Variants in DSC3 observed in about 807,000 individuals in gnomAD.
DSC3 encodes desmocollin-3.
A neutral mutation model predicts 89.5 loss-of-function variants in DSC3; 97 were observed. The observed-to-expected ratio is 1.08, with a 90% CI of 0.92 to 1.28. The LOEUF (loss-of-function observed/expected upper bound fraction) is 1.28. Ranked by LOEUF, DSC3 falls within the 50% of genes most tolerant of loss-of-function variation. The pLI is 0.00. For synonymous variants in DSC3, 436 were observed against 384.1 expected (o/e 1.14, Z -1.58); for missense variants, 1,199 against 1,085.3 (o/e 1.10, Z -1.47).
chr18:31,008,245 A>G, intron 10 of DSC3, 24 bp downstream of exon 10: 1 of 1,613,120 alleles, frequency 6.2e-7, no homozygotes, highest in East Asian at 2.2e-5. Flanking sequence ...CATTATTAGT[A>G]TGTGGTTATA....
At chr18:31,035,819 T>G (rs780513481) in intron 1 of DSC3, among the ~76,000 whole-genome samples, 60 of 152,260 alleles carry the variant, frequency 3.9e-4, no homozygotes, top group African/African-American at 1.3e-3. Flanking sequence ...CTCCAGGGAA[T>G]AGAGTTTTCA....
rs539768534 is a variant in DSC3 at position 31,006,746 on chromosome 18, C to T, written c.1888+161G>A. Among the ~76,000 whole-genome samples the T allele has an allele frequency of 2.1e-3, 327 of 152,242 alleles. 1 individual carries two copies. The highest frequency in any genetic ancestry group is 3.7e-3 in the Non-Finnish European group (254 of 68,010). On this transcript the variant is annotated intron_variant, in intron 12 of 15. Transcript: ENST00000360428. The stretch of plus-strand genomic sequence containing the variant: ...ACATCTTCCTTCATTTTATATATAA[C>T]AGAGCCCCCATATAATATTTGTAAA...
Position 31,001,891 on chromosome 18 carries a change from T to C in DSC3, c.2114-152A>G, listed in dbSNP as rs371991480. On this transcript the variant is annotated intron_variant, in intron 13 of 15. Transcript: ENST00000360428. Reference sequence around the variant, plus strand: ...TTATCTTGGCTGTTCTAAGTTAACATGTCACCAGATAGCTTAGGTTTTAGA... The same window carrying C: ...TTATCTTGGCTGTTCTAAGTTAACACGTCACCAGATAGCTTAGGTTTTAGA... 4.9e-4 allele frequency: 293 copies of C among 602,420 alleles called. 2 individuals carry two copies. The East Asian group carries it at 7.7e-3, about 16-fold the overall frequency. The allele number at this position is 602,420 out of a possible 1,614,324, so 37.3% of individuals were successfully genotyped here. A position where few individuals can be genotyped will look rare whatever the true frequency, so the allele number is the denominator to read the frequency against.
At chr18:31,021,622 G>A (rs889124693) in intron 7 of DSC3, among the ~76,000 whole-genome samples, 3 of 151,992 alleles carry the variant, frequency 2.0e-5, no homozygotes, top group African/African-American at 7.3e-5. Flanking sequence ...AAGCTATTTT[G>A]TCCATATAAA....
rs1252718107 is a variant in DSC3 at position 30,990,963 on chromosome 18, C to A, written c.*3212G>T. On this transcript the variant is annotated 3_prime_UTR_variant, in exon 16 of 16. Transcript: ENST00000360428. ...TCCAAAATATTCCCCATTAATACAA[C>A]AAAGACATAATTATTTCTATTTCCA... 1 of 117,598 alleles carries A rather than the reference C, an allele frequency of 8.5e-6. No individual in the cohort carries two copies. The highest frequency in any genetic ancestry group is 1.7e-5 in the Non-Finnish European group (1 of 57,694). 7.3% of individuals were successfully genotyped at this position (117,598 alleles called of 1,614,324 possible).
Position 31,014,138 on chromosome 18 carries a change from CACAGAATAAGGAAT to C in DSC3, c.1263+3919_1263+3932del, listed in dbSNP as rs1328256226. Among the ~76,000 whole-genome samples, 6 of 151,848 alleles carry C rather than the reference CACAGAATAAGGAAT, an allele frequency of 4.0e-5. No homozygotes were observed. The South Asian group carries it at 6.2e-4, about 16-fold the overall frequency. On this transcript the variant is annotated intron_variant, in intron 9 of 15. Coordinates refer to ENST00000360428, the MANE Select transcript of DSC3 (RefSeq NM_001941.5). ...GGAAAAGTTGTTGAATGAAGAAAAG[CACAGAATAAGGAAT>C]ACAGAATATCCATAGGTGTGGTCTA...
chr18:31,032,437 G>A (rs1175995855), intron 1 of DSC3, among the ~76,000 whole-genome samples, 161 bp from the exon 2 acceptor site: 1 of 152,030 alleles, frequency 6.6e-6, no homozygotes, highest in Non-Finnish European at 1.5e-5. Context: ...ATATGGTAAA[G>A]TTCATTTATG....
At position 31,029,638 on chromosome 18, in the gene DSC3, G is replaced by C. The variant is rs370790046; in HGVS notation, c.355-10C>G. ...GTCTTGTCTTCGATACCTGAATTTA[G>C]AGAAAAACAAATACATGAATAAACA... On this transcript the variant is annotated splice_polypyrimidine_tract_variant and intron_variant, in intron 3 of 15. Transcript: ENST00000360428. 73 of 1,613,414 alleles carry C rather than the reference G, an allele frequency of 4.5e-5. No homozygotes were observed. Among genetic ancestry groups the C allele is most frequent in the Admixed American group, 6.7e-5 (4 of 60,004 alleles).
At chr18:31,041,182 AG>A (rs1447947546) in intron 1 of DSC3, among the ~76,000 whole-genome samples, 1 of 152,192 alleles carries the variant, frequency 6.6e-6, no homozygotes, top group Non-Finnish European at 1.5e-5. Context: ...TTCTGAGAGC[AG>A]CACCCGTAGT....
At position 31,022,455 on chromosome 18, in the gene DSC3, T is replaced by A; in HGVS notation, c.823A>T (p.Thr275Ser). ...CTGTATTTCAGGCGCGTATGCATTG[T>A]GTCCGGTTCATCTCTGTCTGTGGCA... ...VCATDRDEPD[T>S]MHTRLKYSIL... The change falls in exon 7 of 16, where the codon ACA becomes TCA. Residue 275 changes from threonine (T) to serine (S), a missense_variant. By Grantham distance (58) the Thr-to-Ser change is moderately conservative. Coordinates refer to ENST00000360428, the MANE Select transcript of DSC3 (RefSeq NM_001941.5). 1 of 1,614,106 alleles carries A rather than the reference T, an allele frequency of 6.2e-7. No homozygotes were observed. Among genetic ancestry groups the A allele is most frequent in the Non-Finnish European group, 8.5e-7 (1 of 1,179,974 alleles).
chr18:31,019,967 A>C (rs759675217), intron 7 of DSC3, among the ~76,000 whole-genome samples: 21 of 152,160 alleles, frequency 1.4e-4, no homozygotes, highest in Non-Finnish European at 2.4e-4. Context: ...ACTTGGAGAG[A>C]TAGGAAGACA....
chr18:31,012,264 T>C (rs1296149678), intron 9 of DSC3, among the ~76,000 whole-genome samples: 1 of 152,132 alleles, frequency 6.6e-6, no homozygotes, highest in Non-Finnish European at 1.5e-5. Context: ...ATTTAAAAAG[T>C]AAACTCCCAA....
chr18:31,039,250 C>A (rs1986062302), intron 1 of DSC3, among the ~76,000 whole-genome samples: 1 of 151,998 alleles, frequency 6.6e-6, no homozygotes, highest in Non-Finnish European at 1.5e-5. Flanking sequence ...ATCATTAAAT[C>A]CTGATGGAAA....
intron 13 of DSC3, among the ~76,000 whole-genome samples, chr18:31,002,338 T>C (rs1984690772): frequency 6.6e-6 from 1 of 152,206 alleles, no homozygotes; most frequent in Non-Finnish European, 1.5e-5. Context: ...CATATTTTTG[T>C]ATGGCCTATG....
intron 14 of DSC3, among the ~76,000 whole-genome samples, chr18:31,000,135 G>C (rs1984603877): frequency 6.6e-6 from 1 of 152,070 alleles, no homozygotes; most frequent in Non-Finnish European, 1.5e-5. Context: ...GTGTGGAGGA[G>C]TTGAAGAGAG....
intron 9 of DSC3, among the ~76,000 whole-genome samples, chr18:31,017,040 A>C (rs770713902): frequency 6.6e-6 from 1 of 152,240 alleles, no homozygotes; most frequent in Non-Finnish European, 1.5e-5. Flanking sequence ...AAACAAAAGC[A>C]GTCAGTGGTA....
In DSC3 at chr18:31,024,257, G is replaced by C; in HGVS notation, c.775+92C>G. On this transcript the variant is annotated intron_variant, in intron 6 of 15. Transcript: ENST00000360428. ...TTCTAGTTCAGCGTTATCTCAGGCT[G>C]ATCTGGCCTTGAGTATAAAAAGCTC... 5 of 1,243,354 alleles carry C rather than the reference G, an allele frequency of 4.0e-6. No individual in the cohort carries two copies. The South Asian group carries it at 8.7e-5, about 22-fold the overall frequency. 77.0% of individuals were successfully genotyped at this position (1,243,354 alleles called of 1,614,324 possible).
intron 7 of DSC3, among the ~76,000 whole-genome samples, chr18:31,021,448 G>A (rs560408308): frequency 2.1e-4 from 32 of 152,066 alleles, no homozygotes; most frequent in Non-Finnish European, 3.4e-4. Flanking sequence ...CAATTAAAAC[G>A]TTTGTACTAC....
chr18:31,004,199 C>A lies in DSC3; in HGVS notation c.2056G>T (p.Val686Leu). The A allele has an allele frequency of 1.2e-6, 2 of 1,613,952 alleles. No individual in the cohort carries two copies. Among genetic ancestry groups the A allele is most frequent in the Non-Finnish European group, 1.7e-6 (2 of 1,179,904 alleles). ...AGGATTGCCCATTTTCCAAGTATTA[C>A]TCCTGTACTCCTTGAAGTCGCACGA... Reference protein sequence around the residue: ...QCRATSRSTGVILGKWAILAI... With the variant: ...QCRATSRSTGLILGKWAILAI... The change falls in exon 13 of 16, where the codon GTA becomes TTA. Residue 686 changes from valine to leucine, a missense_variant. Transcript: ENST00000360428.
Sources: gnomAD v4.1 joint callset for allele counts (sites outside exome capture counted in the v4.1 genomes callset) on GRCh38, gnomAD v4.1.1 for gene constraint, MANE v1.5 for transcripts, NCBI Gene and HGNC (gene_info 2026-07-23, HGNC 2026-07-21) for gene names.